LHFPL2: variants seen among roughly 807,000 people sequenced by gnomAD.
The protein encoded by LHFPL2 is LHFPL tetraspan subfamily member 2 protein.
In LHFPL2, 7 loss-of-function variants were observed where a neutral mutation model predicts 17.5. The ratio of observed to expected loss-of-function variants is 0.40; its 90% CI spans 0.23 to 0.75. The LOEUF (loss-of-function observed/expected upper bound fraction) is 0.75, where lower values mean the gene tolerates loss of function less well. Ranked by LOEUF, LHFPL2 falls within the 30% of genes least tolerant of loss-of-function variation. LHFPL2 has a pLI of 0.37. For synonymous variants in LHFPL2, 134 were observed against 116.2 expected, an observed-to-expected ratio of 1.15 and a Z score of -0.99; for missense variants, 241 against 294.8, an observed-to-expected ratio of 0.82 and a Z score of 1.34.
intron 1 of LHFPL2, among the ~76,000 whole-genome samples, chr5:78,632,727 C>A (rs1745297332): frequency 1.3e-5 from 2 of 152,108 alleles, no homozygotes; most frequent in Non-Finnish European, 2.9e-5. Context: ...AGCTTACAGT[C>A]CACAAAGAAA....
chr5:78,647,079 AGT>A (rs1480884299), intron 1 of LHFPL2, among the ~76,000 whole-genome samples: 12 of 152,234 alleles, frequency 7.9e-5, no homozygotes, highest in African/African-American at 2.9e-4. Flanking sequence ...ATTATAAGAT[AGT>A]GTTTTATCTG....
chr5:78,510,264 A>G lies in LHFPL2; in HGVS notation c.-51T>C, dbSNP rs1039389651. Reference sequence around the variant, plus strand: ...TCAGGAGTCCACGGAGTTAATCAAAACAAGAAAGTCGGTGGGGAAGGAGGC... The same window carrying G: ...TCAGGAGTCCACGGAGTTAATCAAAGCAAGAAAGTCGGTGGGGAAGGAGGC... On this transcript the variant is annotated 5_prime_UTR_variant, in exon 4 of 5. Coordinates refer to ENST00000380345, the MANE Select transcript of LHFPL2 (RefSeq NM_005779.3). 9.3e-6 allele frequency: 14 copies of G among 1,500,904 alleles called. No homozygotes were observed. The African/African-American group carries it at 2.0e-4, about 21-fold the overall frequency. The allele number at this position is 1,500,904 out of a possible 1,614,324, so 93.0% of individuals were successfully genotyped here. A position where few individuals can be genotyped will look rare whatever the true frequency, so the allele number is the denominator to read the frequency against.
chr5:78,495,937 C>T (rs576729694), intron 4 of LHFPL2, among the ~76,000 whole-genome samples: 3 of 152,276 alleles, frequency 2.0e-5, no homozygotes, highest in African/African-American at 7.2e-5. Context: ...ATTCCTCGAA[C>T]AGGGGCCTGT....
chr5:78,623,206 T>C lies in LHFPL2; in HGVS notation c.-245+9058A>G, dbSNP rs116452568. ...GAGTCATTAACAAATGCATGTATACTATTTGACTTTGCAGGAAGAAAACCA... is the reference window on the plus strand; with the variant it reads ...GAGTCATTAACAAATGCATGTATACCATTTGACTTTGCAGGAAGAAAACCA... On this transcript the variant is annotated intron_variant, in intron 2 of 4. Coordinates refer to ENST00000380345, the MANE Select transcript of LHFPL2 (RefSeq NM_005779.3). Among the ~76,000 whole-genome samples the C allele has an allele frequency of 8.1e-3, 1,238 of 152,346 alleles. 4 individuals carry two copies. Among genetic ancestry groups the C allele is most frequent in the Non-Finnish European group, 0.013 (881 of 68,030 alleles).
chr5:78,501,069 A>G (rs1754757811), intron 4 of LHFPL2, among the ~76,000 whole-genome samples: 1 of 152,160 alleles, frequency 6.6e-6, no homozygotes, highest in Non-Finnish European at 1.5e-5. Context: ...AACTGAAAAG[A>G]CACGTCACAC....
At chr5:78,584,933 G>A (rs555653561) in intron 2 of LHFPL2, among the ~76,000 whole-genome samples, 5 of 150,598 alleles carry the variant, frequency 3.3e-5, no homozygotes, top group South Asian at 4.2e-4. Flanking sequence ...AGCAATCAAC[G>A]AGACTCCGTG....
intron 2 of LHFPL2, among the ~76,000 whole-genome samples, chr5:78,618,397 C>T (rs1331150134): frequency 1.3e-5 from 2 of 152,068 alleles, no homozygotes; most frequent in African/African-American, 4.8e-5. Flanking sequence ...TGCTTCTGTT[C>T]CATGTGGCAA....
chr5:78,583,665 T>A (rs1012108403), intron 2 of LHFPL2, among the ~76,000 whole-genome samples: 1 of 152,226 alleles, frequency 6.6e-6, no homozygotes, highest in Non-Finnish European at 1.5e-5. Context: ...GTTAGTCTGA[T>A]GGGCTTCCCT....
intron 3 of LHFPL2, among the ~76,000 whole-genome samples, chr5:78,553,291 C>G (rs1467901490): frequency 6.6e-6 from 1 of 152,164 alleles, no homozygotes; most frequent in Non-Finnish European, 1.5e-5. Flanking sequence ...TTGGCAAAAG[C>G]TAGTCATTTT....
chr5:78,560,290 C>T (rs571668369), intron 3 of LHFPL2, among the ~76,000 whole-genome samples: 3 of 152,330 alleles, frequency 2.0e-5, no homozygotes, highest in Non-Finnish European at 4.4e-5. Flanking sequence ...CTTATATTAC[C>T]TTCTCATGTT....
At chr5:78,571,021 G>A (rs1285128045) in intron 2 of LHFPL2, among the ~76,000 whole-genome samples, 5 of 152,170 alleles carry the variant, frequency 3.3e-5, no homozygotes, top group Admixed American at 3.3e-4. Context: ...GGAGATGTAG[G>A]GAAGGAACAC....
chr5:78,633,624 C>T (rs1342822797), intron 1 of LHFPL2, among the ~76,000 whole-genome samples: 1 of 152,226 alleles, frequency 6.6e-6, no homozygotes, highest in Non-Finnish European at 1.5e-5. Flanking sequence ...AGGCCTCACA[C>T]TCCATAGTGC....
chr5:78,613,080 C>G (rs1561365123), intron 2 of LHFPL2, among the ~76,000 whole-genome samples: 2 of 152,266 alleles, frequency 1.3e-5, no homozygotes, highest in East Asian at 3.9e-4. Context: ...CCAATAAGCC[C>G]TTTTCCAGGT....
chr5:78,507,941 TACACACACAC>T (rs10562386), intron 4 of LHFPL2, among the ~76,000 whole-genome samples: 31 of 148,562 alleles, frequency 2.1e-4, no homozygotes, highest in East Asian at 4.0e-4. Context: ...TACACATGCA[TACACACACAC>T]ACACACACAC....
At chr5:78,513,103 T>G (rs1489717297) in intron 3 of LHFPL2, among the ~76,000 whole-genome samples, 1 of 152,196 alleles carries the variant, frequency 6.6e-6, no homozygotes, top group Non-Finnish European at 1.5e-5. Context: ...CTTGCAGAAC[T>G]GCAGGGCTCC....
rs931933835 is a variant in LHFPL2 at position 78,488,411 on chromosome 5, T to C, written c.*486A>G. 3.6e-5 allele frequency: 7 copies of C among 196,902 alleles called. No homozygotes were observed. The highest frequency in any genetic ancestry group is 6.4e-5 in the Non-Finnish European group (6 of 93,878). The allele number at this position is 196,902 out of a possible 1,614,324, so 12.2% of individuals were successfully genotyped here. A position where few individuals can be genotyped will look rare whatever the true frequency, so the allele number is the denominator to read the frequency against. On this transcript the variant is annotated 3_prime_UTR_variant, in exon 5 of 5. Transcript: ENST00000380345. ...TTGCTGTGCCCTTTAGCACACATCC[T>C]GTCCCCAGTAAGTTTATAGTTTTCT...
chr5:78,532,163 A>C (rs1755802979), intron 3 of LHFPL2, among the ~76,000 whole-genome samples: 1 of 152,068 alleles, frequency 6.6e-6, no homozygotes, highest in Non-Finnish European at 1.5e-5. Flanking sequence ...ACCTCAAATG[A>C]TCCACCCGGC....
intron 2 of LHFPL2, among the ~76,000 whole-genome samples, chr5:78,624,074 T>A (rs1436414353): frequency 1.3e-5 from 2 of 152,242 alleles, no homozygotes; most frequent in Non-Finnish European, 2.9e-5. Context: ...ACAACAGTCA[T>A]TCTTCTTGCT....
rs1252835255 is a variant in LHFPL2 at position 78,488,285 on chromosome 5, T to C, written c.*612A>G. 6.5e-6 allele frequency: 1 copy of C among 153,842 alleles called. No homozygotes were observed. The highest frequency in any genetic ancestry group is 1.4e-5 in the Non-Finnish European group (1 of 69,116). The allele number at this position is 153,842 out of a possible 1,614,324, so 9.5% of individuals were successfully genotyped here. A position where few individuals can be genotyped will look rare whatever the true frequency, so the allele number is the denominator to read the frequency against. ...AAAATCTCTGGAGTGACAGTTCAGT[T>C]GATCCACCTTACCCTAGGATTCAGC... is the stretch of plus-strand genomic sequence containing the variant. On this transcript the variant is annotated 3_prime_UTR_variant, in exon 5 of 5. Transcript: ENST00000380345.
Sources: gnomAD v4.1 joint callset for allele counts (sites outside exome capture counted in the v4.1 genomes callset) on GRCh38, gnomAD v4.1.1 for gene constraint, MANE v1.5 for transcripts, NCBI Gene and HGNC (gene_info 2026-07-23, HGNC 2026-07-21) for gene names.